The following ZFC3H1 variants were observed in gnomAD, a reference collection of about 807,000 sequenced individuals.
ZFC3H1 encodes the protein zinc finger C3H1-type containing, also known as zinc finger C3H1 domain-containing protein.
Under a neutral mutation model 243.7 loss-of-function variants are expected in ZFC3H1, and 71 were observed. The observed-to-expected ratio is 0.29, with a 90% confidence interval of 0.24 to 0.36. ZFC3H1 has a LOEUF of 0.36. Ranked by LOEUF, ZFC3H1 falls within the 10% of genes least tolerant of loss-of-function variation. The pLI is 1.00. For missense variants in ZFC3H1, 1,966 were observed against 2,317.1 expected (o/e 0.85, Z 3.11); for synonymous variants, 838 against 813.0 (o/e 1.03, Z -0.52).
In ZFC3H1 at chr12:71,663,469, C is replaced by G. The variant is rs776112541; in HGVS notation, c.142G>C (p.Gly48Arg). ...SRSSSSSSGG[G>R]LLPYPRRRPP... ...CTTCGCCGCGGATAGGGTAACAGCC[C>G]GCCGCCGCTGCTGCTGCTGCTGCTC... The change falls in exon 1 of 35, where the codon GGG (glycine) becomes CGG (arginine). Residue 48 changes from glycine to arginine, a missense_variant. Gly to Arg is a moderately radical substitution (Grantham distance 125). Transcript: ENST00000378743. 1 of 1,612,758 alleles carries G rather than the reference C, an allele frequency of 6.2e-7. No individual in the cohort carries two copies. The highest frequency in any genetic ancestry group is 8.5e-7 in the Non-Finnish European group (1 of 1,180,040).
At chr12:71,637,589 C>T (rs1467493472) in intron 7 of ZFC3H1, among the ~76,000 whole-genome samples, 1 of 152,200 alleles carries the variant, frequency 6.6e-6, no homozygotes, top group African/African-American at 2.4e-5. Flanking sequence ...TAATTTTACA[C>T]AAATCCCTAA....
Position 71,611,769 on chromosome 12 carries a change from C to T in ZFC3H1, c.5729+17G>A. 6.4e-7 allele frequency: 1 copy of T among 1,568,830 alleles called. No homozygotes were observed. Among genetic ancestry groups the T allele is most frequent in the East Asian group, 2.3e-5 (1 of 43,730 alleles). ...AAAGCAATAGCTATAAAAACATGTA[C>T]ATGATTGTTGCATTACATTTTCCAG... On this transcript the variant is annotated intron_variant, in intron 32 of 34. Coordinates refer to ENST00000378743, the MANE Select transcript of ZFC3H1 (RefSeq NM_144982.5).
chr12:71,610,864 A>T, intron 33 of ZFC3H1, 107 bp from the exon 34 acceptor site: 1 of 1,424,162 alleles, frequency 7.0e-7, no homozygotes, highest in Non-Finnish European at 9.7e-7. Flanking sequence ...CTGAGACAAA[A>T]TGGTTATGCT....
chr12:71,647,309 C>T (rs1284749382), intron 3 of ZFC3H1, among the ~76,000 whole-genome samples: 1 of 152,074 alleles, frequency 6.6e-6, no homozygotes, highest in Non-Finnish European at 1.5e-5. Context: ...ACATTAAGTT[C>T]AGTTTGTAGA....
intron 34 of ZFC3H1, 23 bp downstream of exon 34, chr12:71,610,672 A>C: frequency 6.2e-7 from 1 of 1,612,806 alleles, no homozygotes; most frequent in Non-Finnish European, 8.5e-7. Flanking sequence ...CATCGAGATA[A>C]AATAAAAGAT....
chr12:71,663,261 A>T lies in ZFC3H1; in HGVS notation c.350T>A (p.Val117Glu), dbSNP rs1283619701. Reference protein sequence around the residue: ...KEPFRSHPPSVRMPSSSLSES... With the variant: ...KEPFRSHPPSERMPSSSLSES... ...GGACAGTGAGCTCGAAGGCATCCGT[A>T]CAGAAGGCGGATGAGACCGGAACGG... The change falls in exon 1 of 35, where the codon GTA becomes GAA. Residue 117 changes from valine (V) to glutamate (E), a missense_variant. Around this residue, in one of 4 missense-constraint regions of ZFC3H1, gnomAD observed 484 missense variants for 449.7 expected, o/e 1.08. Transcript: ENST00000378743. 1 of 1,613,586 alleles carries T rather than the reference A, an allele frequency of 6.2e-7. No homozygotes were observed. The highest frequency in any genetic ancestry group is 8.5e-7 in the Non-Finnish European group (1 of 1,180,044).
chr12:71,632,237 T>A lies in ZFC3H1; in HGVS notation c.3095A>T (p.Asp1032Val), dbSNP rs774453793. The A allele has an allele frequency of 5.0e-6, 8 of 1,611,726 alleles. No individual in the cohort carries two copies. The highest frequency in any genetic ancestry group is 2.2e-5 in the South Asian group (2 of 90,688). Reference protein sequence around the residue: ...LTLDTEENDVDDEILSGSSRE... With the variant: ...LTLDTEENDVVDEILSGSSRE... Reference sequence around the variant, plus strand: ...GCTTGAACCAGACAAAATTTCATCATCAACATCATTTTCTTCAGTGTCCAG... The same window carrying A: ...GCTTGAACCAGACAAAATTTCATCAACAACATCATTTTCTTCAGTGTCCAG... The change falls in exon 15 of 35, where the codon GAT becomes GTT. Residue 1032 changes from aspartate to valine, a missense_variant. Asp to Val is a radical substitution (Grantham distance 152). Coordinates refer to ENST00000378743, the MANE Select transcript of ZFC3H1 (RefSeq NM_144982.5).
intron 1 of ZFC3H1, among the ~76,000 whole-genome samples, chr12:71,659,215 A>G (rs1881100749): frequency 6.6e-6 from 1 of 152,158 alleles, no homozygotes; most frequent in Non-Finnish European, 1.5e-5. Flanking sequence ...TATTTCTCTT[A>G]TCTCCTACAA....
chr12:71,615,809 C>T (rs1035759955), intron 27 of ZFC3H1, among the ~76,000 whole-genome samples: 7 of 152,128 alleles, frequency 4.6e-5, no homozygotes, highest in East Asian at 3.9e-4. Context: ...TGAGCTGCTG[C>T]GCCTGGCCAC....
intron 3 of ZFC3H1, 148 bp from the exon 4 acceptor site, chr12:71,645,223 C>T (rs1367157842): frequency 1.4e-6 from 1 of 705,850 alleles, no homozygotes; most frequent in African/African-American, 1.8e-5. Context: ...AACTAATTTA[C>T]TTCCCACAGC....
At chr12:71,643,574 G>A (rs1051799470) in intron 5 of ZFC3H1, among the ~76,000 whole-genome samples, 2 of 151,770 alleles carry the variant, frequency 1.3e-5, no homozygotes, top group Admixed American at 1.3e-4. Context: ...GGGTGGAGAG[G>A]GTAAAAGAAG....
chr12:71,643,426 AT>A (rs1880650331), intron 5 of ZFC3H1, among the ~76,000 whole-genome samples: 1 of 151,838 alleles, frequency 6.6e-6, no homozygotes. Flanking sequence ...AAAAAAAAAA[AT>A]TTCAAAGTAT....
In ZFC3H1 at chr12:71,644,873, T is replaced by C. The variant is rs1486760077; in HGVS notation, c.1279+4A>G. Reference sequence around the variant, plus strand: ...AAACACAAGAATTTAATAAAAATGATCACCTGTAGTGCTAACTTTTTTGGC... The same window carrying C: ...AAACACAAGAATTTAATAAAAATGACCACCTGTAGTGCTAACTTTTTTGGC... On this transcript the variant is annotated splice_donor_region_variant and intron_variant, in intron 4 of 34. Coordinates refer to ENST00000378743, the MANE Select transcript of ZFC3H1 (RefSeq NM_144982.5). The C allele has an allele frequency of 6.3e-7, 1 of 1,588,566 alleles. No individual in the cohort carries two copies. Among genetic ancestry groups the C allele is most frequent in the Non-Finnish European group, 8.5e-7 (1 of 1,173,646 alleles).
intron 11 of ZFC3H1, 63 bp from the exon 12 acceptor site, chr12:71,634,367 T>C (rs117442886): frequency 2.6e-6 from 4 of 1,524,902 alleles, no homozygotes; most frequent in Non-Finnish European, 3.5e-6. Flanking sequence ...ATTTTTAAAA[T>C]GTATTCTATT....
Position 71,647,771 on chromosome 12 carries a change from G to T in ZFC3H1, c.1058C>A (p.Thr353Asn). Reference protein sequence around the residue: ...KEQNLTRRISTSDILSEKKLG... With the variant: ...KEQNLTRRISNSDILSEKKLG... ...TACCTTTTCAGACAGAATATCTGAG[G>T]TACTAATTCTTCTTGTTAAATTTTG... Residue 353 changes from threonine to asparagine, a missense_variant, in exon 3 of 35, where the codon ACC becomes AAC. Physicochemically the swap from Thr to Asn is moderately conservative, Grantham distance 65 (BLOSUM62 0). Transcript: ENST00000378743. 6.8e-7 allele frequency: 1 copy of T among 1,478,008 alleles called. No individual in the cohort carries two copies. Among genetic ancestry groups the T allele is most frequent in the Non-Finnish European group, 9.2e-7 (1 of 1,086,414 alleles). 91.6% of individuals were successfully genotyped at this position (1,478,008 alleles called of 1,614,324 possible).
intron 2 of ZFC3H1, among the ~76,000 whole-genome samples, chr12:71,653,890 A>G (rs1880951908): frequency 6.6e-6 from 1 of 152,092 alleles, no homozygotes; most frequent in Non-Finnish European, 1.5e-5. Flanking sequence ...GGCATGTACC[A>G]TAGTCCCAGC....
rs982790944 is a variant in ZFC3H1, at chr12:71,634,881, T to C, written c.2239-56A>G. On this transcript the variant is annotated intron_variant, in intron 10 of 34. Transcript: ENST00000378743. Reference sequence around the variant, plus strand: ...AGATCATCAGCTTTCCAAAATTCCATACTAAGATTTATATTTTACATTGCA... The same window carrying C: ...AGATCATCAGCTTTCCAAAATTCCACACTAAGATTTATATTTTACATTGCA... 8 of 1,544,320 alleles carry C rather than the reference T, an allele frequency of 5.2e-6. No homozygotes were observed. The Admixed American group carries it at 1.1e-4, about 21-fold the overall frequency.
intron 31 of ZFC3H1, 137 bp downstream of exon 31, chr12:71,613,198 C>A: frequency 3.6e-6 from 2 of 553,304 alleles, no homozygotes; most frequent in South Asian, 1.0e-4. Flanking sequence ...GGCTTAACAA[C>A]TCTGAAATTA....
At chr12:71,631,052 T>C (rs1467177988) in intron 16 of ZFC3H1, 98 bp from the exon 17 acceptor site, 2 of 1,267,590 alleles carry the variant, frequency 1.6e-6, no homozygotes, top group African/African-American at 3.0e-5. Context: ...AAAATTTCCA[T>C]GCTTACTATT....
Sources: allele counts gnomAD v4.1 joint callset (sites outside exome capture counted in the v4.1 genomes callset), GRCh38; gene constraint gnomAD v4.1.1; regional missense constraint gnomAD v4.1.1; transcripts MANE v1.5; gene names NCBI Gene and HGNC (gene_info 2026-07-23, HGNC 2026-07-21).